Variants in KIF9 observed in about 807,000 individuals in gnomAD.
The protein encoded by KIF9 is kinesin family member 9.
KIF9 carries 68 observed loss-of-function variants against 94.8 expected under a neutral mutation model. The observed-to-expected ratio is 0.72, with a 90% CI of 0.59 to 0.88. The LOEUF (loss-of-function observed/expected upper bound fraction) is 0.88. Ranked by LOEUF, KIF9 falls within the 40% of genes least tolerant of loss-of-function variation. KIF9 has a pLI of 0.00. For missense variants in KIF9, 882 were observed against 982.5 expected, an observed-to-expected ratio of 0.90 and a Z score of 1.37; for synonymous variants, 343 against 362.1, an observed-to-expected ratio of 0.95 and a Z score of 0.60.
chr3:47,274,925 T>C (rs1166536013), intron 3 of KIF9, among the ~76,000 whole-genome samples: 1 of 152,228 alleles, frequency 6.6e-6, no homozygotes. Flanking sequence ...TACAATCCTA[T>C]ACTAGAATAT....
intron 9 of KIF9, among the ~76,000 whole-genome samples, chr3:47,262,099 GC>G (rs146698991): frequency 0.03 from 4,616 of 152,224 alleles, 230 homozygotes; most frequent in East Asian, 0.13. Context: ...ATGGGCACAA[GC>G]CCCCGGAGAC....
intron 2 of KIF9, 53 bp downstream of exon 2, chr3:47,277,229 G>A: frequency 7.6e-7 from 1 of 1,324,046 alleles, no homozygotes; most frequent in Non-Finnish European, 1.1e-6. Context: ...TCACACTATA[G>A]CAAGGTGGGA....
intron 7 of KIF9, 71 bp downstream of exon 7, chr3:47,266,905 A>T: frequency 9.3e-7 from 1 of 1,069,886 alleles, no homozygotes; most frequent in Non-Finnish European, 1.5e-6. Context: ...CATGGCCCAG[A>T]TGTGCAGGCA....
chr3:47,239,042 C>G (rs1699270081), intron 17 of KIF9, among the ~76,000 whole-genome samples: 1 of 152,092 alleles, frequency 6.6e-6, no homozygotes, highest in African/African-American at 2.4e-5. Flanking sequence ...CTACTAAAAA[C>G]ACAAAATTAC....
At chr3:47,257,790 G>A (rs1368027140) in intron 9 of KIF9, among the ~76,000 whole-genome samples, 6 of 152,184 alleles carry the variant, frequency 3.9e-5, no homozygotes, top group Admixed American at 1.3e-4. Context: ...CCTGGTCCTC[G>A]TCATGTAGAC....
chr3:47,234,922 A>C (rs1218889777), intron 20 of KIF9, among the ~76,000 whole-genome samples: 2 of 152,234 alleles, frequency 1.3e-5, no homozygotes, highest in African/African-American at 4.8e-5. Context: ...ATGTTAATAA[A>C]TAACTACAAA....
chr3:47,257,836 G>C (rs561880449), intron 9 of KIF9, among the ~76,000 whole-genome samples: 1 of 152,168 alleles, frequency 6.6e-6, no homozygotes, highest in Non-Finnish European at 1.5e-5. Context: ...ATCCAAACCT[G>C]ACCACTTTCT....
intron 7 of KIF9, among the ~76,000 whole-genome samples, 187 bp downstream of exon 7, chr3:47,266,789 G>A (rs538799521): frequency 2.0e-5 from 3 of 152,158 alleles, no homozygotes; most frequent in South Asian, 2.1e-4. Context: ...GGTAGGAACC[G>A]CCCCCAGGTA....
intron 7 of KIF9, 116 bp from the exon 8 acceptor site, chr3:47,265,993 T>C (rs1195659972): frequency 6.6e-6 from 7 of 1,057,554 alleles, no homozygotes; most frequent in Non-Finnish European, 8.4e-6. Context: ...CAGCGCCTCC[T>C]TCCCAGAACC....
Position 47,235,443 on chromosome 3 carries a change from G to A in KIF9, c.2322+70C>T, listed in dbSNP as rs528385539. 3.3e-5 allele frequency: 35 copies of A among 1,057,740 alleles called. No homozygotes were observed. The Admixed American group carries it at 5.0e-4, about 15-fold the overall frequency. 65.5% of individuals were successfully genotyped at this position (1,057,740 alleles called of 1,614,324 possible). ...ATTCCTCCCCTACCTCTCTAAAGTA[G>A]GGAATATGATCCTGGGTTTCCTAGT... On this transcript the variant is annotated intron_variant, in intron 20 of 20. Coordinates refer to ENST00000684063, the MANE Select transcript of KIF9 (RefSeq NM_182902.4).
rs774256063 is a variant in KIF9, at chr3:47,228,638, C to G, written c.*14G>C. 2.8e-4 allele frequency: 446 copies of G among 1,611,284 alleles called. 6 individuals are homozygous for G. In the Admixed American group the frequency reaches 7.2e-3, roughly 26 times the overall value. On this transcript the variant is annotated 3_prime_UTR_variant, in exon 21 of 21. Coordinates refer to ENST00000684063, the MANE Select transcript of KIF9 (RefSeq NM_182902.4). Reference sequence around the variant, plus strand: ...GTTGCTGGTCTTGTCCTTTAAGGTACTGGCGATGAGGTTCTATTTTCTATG... The same window carrying G: ...GTTGCTGGTCTTGTCCTTTAAGGTAGTGGCGATGAGGTTCTATTTTCTATG...
At chr3:47,239,828 T>C (rs1440788588) in intron 17 of KIF9, 8 of 1,367,604 alleles carry the variant, frequency 5.8e-6, no homozygotes, top group Admixed American at 3.8e-5. Context: ...ATAAACCAAG[T>C]GACATCTGGA....
intron 13 of KIF9, chr3:47,245,852 T>C (rs1277180295): frequency 2.1e-5 from 10 of 476,392 alleles, no homozygotes; most frequent in Non-Finnish European, 3.8e-5. Context: ...CATGACCAGC[T>C]TTAGTGACAC....
At chr3:47,229,737 AT>A (rs879766213) in intron 20 of KIF9, among the ~76,000 whole-genome samples, 173 of 145,400 alleles carry the variant, frequency 1.2e-3, no homozygotes, top group Non-Finnish European at 1.2e-3. Flanking sequence ...ATGATTTAGA[AT>A]TTTTTTTTTT....
At position 47,237,002 on chromosome 3, in the gene KIF9, G is replaced by C. The variant is rs114468582; in HGVS notation, c.1925-383C>G. 5.3e-3 allele frequency among the ~76,000 whole-genome samples: 811 copies of C among 152,314 alleles called. 5 individuals are homozygous for C. The highest frequency in any genetic ancestry group is 0.011 in the Admixed American group (163 of 15,304). ...ATTACATCTACAAACTGCCATCACT[G>C]GCTAGTACTACAAGGCACTTGGGCA... is the stretch of plus-strand genomic sequence containing the variant. On this transcript the variant is annotated intron_variant, in intron 17 of 20. Transcript: ENST00000684063.
At chr3:47,256,446 G>A (rs1700603872) in intron 10 of KIF9, among the ~76,000 whole-genome samples, 1 of 151,958 alleles carries the variant, frequency 6.6e-6, no homozygotes, top group Admixed American at 6.5e-5. Context: ...ATCTCCGCCC[G>A]GCAGCCACCC....
rs926137821 is a variant in KIF9, at chr3:47,273,533, C to G, written c.366+19G>C. 9 of 1,566,362 alleles carry G rather than the reference C, an allele frequency of 5.7e-6. No homozygotes were observed. Among genetic ancestry groups the G allele is most frequent in the Non-Finnish European group, 7.8e-6 (9 of 1,150,238 alleles). On this transcript the variant is annotated intron_variant, in intron 4 of 20. Coordinates refer to ENST00000684063, the MANE Select transcript of KIF9 (RefSeq NM_182902.4). ...AGAGGGAACCTGTGTGGCATCCCAC[C>G]CTTGGGCCCACTCTCTACCTGCTGC...
intron 10 of KIF9, among the ~76,000 whole-genome samples, chr3:47,249,947 G>A (rs1455848647): frequency 6.6e-6 from 1 of 152,056 alleles, no homozygotes; most frequent in African/African-American, 2.4e-5. Context: ...TACTAGAGAG[G>A]CTAAGGCAGG....
chr3:47,265,545 G>C (rs1701237393), intron 8 of KIF9, among the ~76,000 whole-genome samples, 185 bp downstream of exon 8: 1 of 152,210 alleles, frequency 6.6e-6, no homozygotes, highest in Non-Finnish European at 1.5e-5. Context: ...GAATAGCATA[G>C]TGTGTTCTGG....
Sources: allele counts gnomAD v4.1 joint callset (sites outside exome capture counted in the v4.1 genomes callset), GRCh38; gene constraint gnomAD v4.1.1; transcripts MANE v1.5; gene names NCBI Gene and HGNC (gene_info 2026-07-23, HGNC 2026-07-21).